The following SLCO1A2 variants were observed in gnomAD, a reference collection of about 807,000 sequenced individuals.
The protein encoded by SLCO1A2 is OATP-1.
A neutral mutation model predicts 69.0 loss-of-function variants in SLCO1A2; 67 were observed. That is an observed-to-expected ratio of 0.97 (90% confidence interval 0.80 to 1.19). The LOEUF is 1.19. Among genes scored for constraint, SLCO1A2 ranks in the 50% most tolerant of loss-of-function variants. SLCO1A2 has a pLI of 0.00. For synonymous variants in SLCO1A2, 260 were observed against 265.9 expected, an observed-to-expected ratio of 0.98 and a Z score of 0.22; for missense variants, 787 against 793.7, an observed-to-expected ratio of 0.99 and a Z score of 0.10.
intron 2 of SLCO1A2, among the ~76,000 whole-genome samples, chr12:21,347,856 T>C (rs1953327899): frequency 6.6e-6 from 1 of 152,086 alleles, no homozygotes; most frequent in Non-Finnish European, 1.5e-5. Context: ...AAAGAATAAA[T>C]AGCAAACCAA....
At position 21,306,970 on chromosome 12, in the gene SLCO1A2, T is replaced by C. The variant is rs766695329; in HGVS notation, c.354A>G (p.Thr118=). The C allele has an allele frequency of 6.8e-6, 11 of 1,611,694 alleles. No individual in the cohort carries two copies. The highest frequency in any genetic ancestry group is 1.6e-4 in the Middle Eastern group (1 of 6,074). The change falls in exon 5 of 15, where the codon ACA becomes ACG. Residue 118 remains threonine (T), a synonymous_variant. Coordinates refer to ENST00000683939, the MANE Select transcript of SLCO1A2 (RefSeq NM_001386879.1). ...AGGACAAGTTGCCTGAAACTGAAAC[T>C]GTAGATTCATATTCATATCTGTATA... ...FLMNQYEYES[T]VSVSGNLSSN...
chr12:21,275,374 C>T lies in SLCO1A2; in HGVS notation c.1661G>A (p.Cys554Tyr), dbSNP rs779585827. 3 of 1,559,758 alleles carry T rather than the reference C, an allele frequency of 1.9e-6. No homozygotes were observed. In the South Asian group the frequency reaches 3.6e-5, roughly 19 times the overall value. Residue 554 changes from cysteine (C) to tyrosine (Y), a missense_variant, in exon 13 of 15, where the codon TGC (cysteine) becomes TAC (tyrosine). By Grantham distance (194) the Cys-to-Tyr change is radical. Coordinates refer to ENST00000683939, the MANE Select transcript of SLCO1A2 (RefSeq NM_001386879.1). ...ACTATTTTTACCAAATACTCTTGTGCAAAATGTATGTAATCCCACACCAAG... is the reference window on the plus strand; with the variant it reads ...ACTATTTTTACCAAATACTCTTGTGTAAAATGTATGTAATCCCACACCAAG... ...KSLGVGLHTFCTRVFAGIPAP... is the reference protein window; with the variant it reads ...KSLGVGLHTFYTRVFAGIPAP...
intron 12 of SLCO1A2, among the ~76,000 whole-genome samples, chr12:21,289,624 T>C (rs1267164339): frequency 6.6e-6 from 1 of 152,184 alleles, no homozygotes; most frequent in African/African-American, 2.4e-5. Flanking sequence ...TCCATTTGTG[T>C]CTTTTATAAT....
chr12:21,372,106 A>G (rs375541064), intron 2 of SLCO1A2, among the ~76,000 whole-genome samples: 1 of 152,234 alleles, frequency 6.6e-6, no homozygotes, highest in South Asian at 2.1e-4. Context: ...GACAAACTAC[A>G]AAGTACTGTG....
chr12:21,343,519 C>T (rs1274700570), intron 2 of SLCO1A2, among the ~76,000 whole-genome samples: 1 of 152,054 alleles, frequency 6.6e-6, no homozygotes, highest in Non-Finnish European at 1.5e-5. Context: ...AGGTTAAATG[C>T]AAGTGGGCTG....
At chr12:21,363,972 A>C (rs1463716756) in intron 2 of SLCO1A2, among the ~76,000 whole-genome samples, 1 of 152,194 alleles carries the variant, frequency 6.6e-6, no homozygotes, top group Admixed American at 6.5e-5. Context: ...AGAGGTAAAA[A>C]GAGGAGCTGG....
chr12:21,318,634 C>A, intron 3 of SLCO1A2, 148 bp downstream of exon 3: 1 of 576,498 alleles, frequency 1.7e-6, no homozygotes, highest in Non-Finnish European at 2.9e-6. Context: ...CAAGCATATT[C>A]TAAGCTTAGC....
chr12:21,314,893 CAG>C (rs1374223185), intron 3 of SLCO1A2, among the ~76,000 whole-genome samples: 1 of 152,062 alleles, frequency 6.6e-6, no homozygotes, highest in African/African-American at 2.4e-5. Context: ...GATACAGAAA[CAG>C]ATATCTCTGA....
At chr12:21,359,065 T>C (rs1938605805) in intron 2 of SLCO1A2, among the ~76,000 whole-genome samples, 1 of 152,194 alleles carries the variant, frequency 6.6e-6, no homozygotes, top group African/African-American at 2.4e-5. Flanking sequence ...TACTCCAGTG[T>C]CCCTGCAAGT....
chr12:21,293,295 T>C (rs1423043352), intron 11 of SLCO1A2, among the ~76,000 whole-genome samples: 1 of 151,842 alleles, frequency 6.6e-6, no homozygotes, highest in Admixed American at 6.6e-5. Context: ...AGAGTGAGAC[T>C]CCATCTCAAA....
At chr12:21,321,968 C>T (rs1381870395) in intron 2 of SLCO1A2, among the ~76,000 whole-genome samples, 2 of 152,106 alleles carry the variant, frequency 1.3e-5, no homozygotes, top group Non-Finnish European at 2.9e-5. Context: ...ATGTTATTTA[C>T]CCCTGTGGCC....
At chr12:21,317,865 C>T (rs1484780376) in intron 3 of SLCO1A2, among the ~76,000 whole-genome samples, 1 of 152,072 alleles carries the variant, frequency 6.6e-6, no homozygotes, top group African/African-American at 2.4e-5. Flanking sequence ...CTTCCTTTCC[C>T]CCATTCTCCC....
intron 1 of SLCO1A2, among the ~76,000 whole-genome samples, chr12:21,391,559 CA>C (rs1369767026): frequency 6.6e-6 from 1 of 152,126 alleles, no homozygotes; most frequent in Non-Finnish European, 1.5e-5. Flanking sequence ...GGAATATTTA[CA>C]TTTGAAAAGG....
At chr12:21,377,131 T>C (rs931419651) in intron 1 of SLCO1A2, among the ~76,000 whole-genome samples, 3 of 152,182 alleles carry the variant, frequency 2.0e-5, no homozygotes, top group South Asian at 2.1e-4. Context: ...TATGCACTTC[T>C]TCCAGGTGGC....
At chr12:21,389,255 T>C (rs754189720) in intron 1 of SLCO1A2, among the ~76,000 whole-genome samples, 1 of 152,184 alleles carries the variant, frequency 6.6e-6, no homozygotes, top group Non-Finnish European at 1.5e-5. Context: ...CATTGTACTA[T>C]ATGTTTGTAT....
intron 2 of SLCO1A2, among the ~76,000 whole-genome samples, chr12:21,331,275 C>A: frequency 6.6e-6 from 1 of 150,880 alleles, no homozygotes; most frequent in Admixed American, 6.6e-5. Context: ...TTTTTTGGTA[C>A]CAGACAGTGA....
chr12:21,373,254 T>A lies in SLCO1A2; in HGVS notation c.-63+1145A>T. 8 of 887,864 alleles carry A rather than the reference T, an allele frequency of 9.0e-6. No individual in the cohort carries two copies. The South Asian group carries it at 1.1e-4, about 12-fold the overall frequency. 55.0% of individuals were successfully genotyped at this position (887,864 alleles called of 1,614,324 possible). A position where few individuals can be genotyped will look rare whatever the true frequency, so the allele number is the denominator to read the frequency against. ...TTACGTTTTAAAAAGATGTTTCTTT[T>A]AAAAACTAAGCTCTAATTTAAAATT... On this transcript the variant is annotated intron_variant, in intron 2 of 15. Coordinates refer to the SLCO1A2 transcript ENST00000307378.
chr12:21,329,430 G>T (rs1048063489), intron 2 of SLCO1A2, among the ~76,000 whole-genome samples: 2 of 151,892 alleles, frequency 1.3e-5, no homozygotes, highest in Non-Finnish European at 2.9e-5. Context: ...CAGCCTTAAG[G>T]ATCAACCCAG....
intron 1 of SLCO1A2, 24 bp from the exon 2 acceptor site, chr12:21,334,733 G>T: frequency 9.5e-7 from 1 of 1,054,668 alleles, no homozygotes; most frequent in Non-Finnish European, 1.4e-6. Context: ...AAAAAAATAT[G>T]TTAAATTAAC....
Sources: allele counts gnomAD v4.1 joint callset (sites outside exome capture counted in the v4.1 genomes callset), GRCh38; gene constraint gnomAD v4.1.1; transcripts MANE v1.5; gene names NCBI Gene and HGNC (gene_info 2026-07-23, HGNC 2026-07-21).